USH2A: variants seen among roughly 807,000 people sequenced by gnomAD.
USH2A encodes the protein Usher syndrome 2A (autosomal recessive, mild).
A neutral mutation model predicts 538.9 loss-of-function variants in USH2A; 443 were observed. The observed-to-expected ratio is 0.82, with a 90% confidence interval of 0.76 to 0.89. The LOEUF (loss-of-function observed/expected upper bound fraction) is 0.89, where lower values mean the gene tolerates loss of function less well. Among genes scored for constraint, USH2A ranks in the 40% least tolerant of loss-of-function variants. USH2A has a pLI of 0.00. For synonymous variants in USH2A, 2,413 were observed against 2,273.5 expected, an observed-to-expected ratio of 1.06 and a Z score of -1.75; for missense variants, 6,633 against 6,324.8, an observed-to-expected ratio of 1.05 and a Z score of -1.65.
chr1:216,399,009 T>C (rs905410780), intron 3 of USH2A, among the ~76,000 whole-genome samples: 1 of 152,166 alleles, frequency 6.6e-6, no homozygotes, highest in Non-Finnish European at 1.5e-5. Context: ...ATGCTCCAAC[T>C]CTTTACTAAG....
At chr1:215,875,042 A>G (rs1380699697) in intron 43 of USH2A, among the ~76,000 whole-genome samples, 2 of 152,216 alleles carry the variant, frequency 1.3e-5, no homozygotes, top group Non-Finnish European at 2.9e-5. Context: ...AGCAGGAACA[A>G]GGAGCCCCGG....
chr1:215,988,052 G>A (rs887743773), intron 35 of USH2A, among the ~76,000 whole-genome samples: 7 of 151,354 alleles, frequency 4.6e-5, no homozygotes, highest in Admixed American at 3.3e-4. Context: ...AAAGCACAAC[G>A]TAAAATTGGG....
chr1:216,040,048 TACACACACACACACAC>T lies in USH2A; in HGVS notation c.6325+6367_6325+6382del, dbSNP rs59691309. On this transcript the variant is annotated intron_variant, in intron 32 of 71. Coordinates refer to ENST00000307340, the MANE Select transcript of USH2A (RefSeq NM_206933.4). The stretch of plus-strand genomic sequence containing the variant: ...TCTCTTTATTTTTCTGTCTCTCAAT[TACACACACACACACAC>T]ACACACACACACACACACACGCATG... Among the ~76,000 whole-genome samples the T allele has an allele frequency of 2.3e-4, 33 of 146,324 alleles. No homozygotes were observed. The East Asian group carries it at 6.8e-3, about 30-fold the overall frequency.
At chr1:216,201,822 G>T (rs576274016) in intron 16 of USH2A, 1 of 217,604 alleles carries the variant, frequency 4.6e-6, no homozygotes, top group East Asian at 1.2e-4. Context: ...ACCAGAGGTC[G>T]CCTGGTTTTA....
chr1:216,107,256 T>C (rs567172178), intron 21 of USH2A, among the ~76,000 whole-genome samples: 1 of 151,936 alleles, frequency 6.6e-6, no homozygotes, highest in East Asian at 1.9e-4. Context: ...TAGAAGGGAA[T>C]TTGTCTATTT....
At chr1:216,081,994 G>A (rs751707584) in intron 26 of USH2A, among the ~76,000 whole-genome samples, 2 of 151,904 alleles carry the variant, frequency 1.3e-5, no homozygotes, top group Non-Finnish European at 2.9e-5. Context: ...GGTGGAGGGT[G>A]GAAGCATGGC....
chr1:215,844,995 G>A (rs1488292649), intron 45 of USH2A, among the ~76,000 whole-genome samples: 1 of 152,074 alleles, frequency 6.6e-6, no homozygotes, highest in Non-Finnish European at 1.5e-5. Flanking sequence ...TTATGTAAAT[G>A]ATTTTGAATG....
Position 215,639,152 on chromosome 1 carries a change from T to A in USH2A, c.15052+3A>T. ...TACGCCAAGTATAATATGAGTTGTTTACCAAGTCCAGTAGAGGTATCATAT... is the reference window on the plus strand; with the variant it reads ...TACGCCAAGTATAATATGAGTTGTTAACCAAGTCCAGTAGAGGTATCATAT... On this transcript the variant is annotated splice_donor_region_variant and intron_variant, in intron 69 of 71. Coordinates refer to ENST00000307340, the MANE Select transcript of USH2A (RefSeq NM_206933.4). 1 of 1,614,098 alleles carries A rather than the reference T, an allele frequency of 6.2e-7. No individual in the cohort carries two copies. Among genetic ancestry groups the A allele is most frequent in the Non-Finnish European group, 8.5e-7 (1 of 1,179,942 alleles).
chr1:216,044,993 C>A, intron 32 of USH2A, among the ~76,000 whole-genome samples: 1 of 152,134 alleles, frequency 6.6e-6, no homozygotes, highest in Non-Finnish European at 1.5e-5. Flanking sequence ...ATACACAGCC[C>A]TGTCCACACG....
At chr1:215,692,523 A>G (rs980757113) in intron 61 of USH2A, among the ~76,000 whole-genome samples, 3 of 152,168 alleles carry the variant, frequency 2.0e-5, no homozygotes, top group African/African-American at 7.2e-5. Flanking sequence ...AAAAATCTGT[A>G]TATGGCAAAC....
At chr1:216,188,217 T>C (rs301747) in intron 20 of USH2A, among the ~76,000 whole-genome samples, 150,705 of 151,912 alleles carry the variant, frequency 0.99, 74,760 homozygotes, top group East Asian at 1. Context: ...CTGCAACCAA[T>C]GAGGATACTA....
intron 32 of USH2A, among the ~76,000 whole-genome samples, chr1:216,012,769 G>T (rs2102494078): frequency 6.6e-6 from 1 of 152,290 alleles, no homozygotes; most frequent in South Asian, 2.1e-4. Flanking sequence ...TCAGAAGTCA[G>T]GCCTGTCCTC....
chr1:216,157,442 G>A (rs1201020144), intron 21 of USH2A, among the ~76,000 whole-genome samples: 1 of 152,158 alleles, frequency 6.6e-6, no homozygotes, highest in Non-Finnish European at 1.5e-5. Context: ...TTAAAACAGA[G>A]CTACCATTTG....
intron 49 of USH2A, among the ~76,000 whole-genome samples, chr1:215,801,669 G>A (rs534832634): frequency 6.6e-6 from 1 of 152,092 alleles, no homozygotes; most frequent in African/African-American, 2.4e-5. Context: ...TTATGGACTG[G>A]GAGCCTTAAT....
intron 25 of USH2A, 40 bp from the exon 26 acceptor site, chr1:216,083,626 A>G: frequency 1.2e-6 from 2 of 1,603,320 alleles, no homozygotes; most frequent in Middle Eastern, 1.7e-4. Context: ...CATGTGTAAC[A>G]CAATATTGCC....
intron 21 of USH2A, chr1:216,174,193 T>A (rs962296268): frequency 4.1e-6 from 4 of 985,014 alleles, no homozygotes; most frequent in Non-Finnish European, 3.6e-6. Flanking sequence ...TAGCTCGAAT[T>A]CCATTTCATT....
Position 216,037,820 on chromosome 1 carries a change from C to G in USH2A, c.6325+8611G>C, listed in dbSNP as rs1344974209. On this transcript the variant is annotated intron_variant, in intron 32 of 71. Coordinates refer to ENST00000307340, the MANE Select transcript of USH2A (RefSeq NM_206933.4). ...TAGTACCCATTAGTTTTTTTTTTTT[C>G]CTAATCCTCTCCCTCCTGCTACCCT... is the stretch of plus-strand genomic sequence containing the variant. 3.9e-5 allele frequency among the ~76,000 whole-genome samples: 5 copies of G among 128,198 alleles called. No homozygotes were observed. The South Asian group carries it at 1.3e-3, about 32-fold the overall frequency. 84.1% of individuals were successfully genotyped at this position (128,198 alleles called of 152,430 possible). A position where few individuals can be genotyped will look rare whatever the true frequency, so the allele number is the denominator to read the frequency against.
chr1:215,837,474 G>A (rs1327842260), intron 47 of USH2A, among the ~76,000 whole-genome samples: 1 of 152,080 alleles, frequency 6.6e-6, no homozygotes, highest in African/African-American at 2.4e-5. Flanking sequence ...AAAGAGACTC[G>A]CTTTCAAACT....
rs915609961 is a variant in USH2A, at chr1:215,828,459, GA to G, written c.9371+9531del. 5.9e-5 allele frequency among the ~76,000 whole-genome samples: 9 copies of G among 151,930 alleles called. 1 individual carries two copies. Among genetic ancestry groups the G allele is most frequent in the African/African-American group, 1.7e-4 (7 of 41,486 alleles). ...CTGTCTCAACAACAACAACAAAAAA[GA>G]AAAAAATATATAGATATTCATTAAT... On this transcript the variant is annotated intron_variant, in intron 47 of 71. Transcript: ENST00000307340.
Sources: gnomAD v4.1 joint callset for allele counts (sites outside exome capture counted in the v4.1 genomes callset) on GRCh38, gnomAD v4.1.1 for gene constraint, MANE v1.5 for transcripts, NCBI Gene and HGNC (gene_info 2026-07-23, HGNC 2026-07-21) for gene names.